CSMD1: variants seen among roughly 807,000 people sequenced by gnomAD.
CSMD1 encodes CUB and Sushi multiple domains 1.
In CSMD1, 213 loss-of-function variants were observed where a neutral mutation model predicts 417.5. The ratio of observed to expected loss-of-function variants is 0.51; its 90% CI spans 0.46 to 0.57. CSMD1 has a LOEUF of 0.57. CSMD1 is among the 20% of genes least tolerant of loss of function. The pLI is 0.00. For synonymous variants in CSMD1, 2,862 were observed against 1,736.8 expected (o/e 1.65, Z -16.11); for missense variants, 6,923 against 4,529.7 (o/e 1.53, Z -15.17).
chr8:4,261,741 C>A (rs990848235), intron 3 of CSMD1, among the ~76,000 whole-genome samples: 5 of 152,008 alleles, frequency 3.3e-5, no homozygotes, highest in Admixed American at 1.3e-4. Context: ...CCATCACACA[C>A]AGAAAAATGT....
rs73659287 is a variant in CSMD1 at position 4,921,495 on chromosome 8, G to A, written c.85+72837C>T. On this transcript the variant is annotated intron_variant, in intron 1 of 69. Coordinates refer to ENST00000635120, the MANE Select transcript of CSMD1 (RefSeq NM_033225.6). ...CCTGAAAACACAGTATTCTCTGTATGTAAGTTTGTGATGTTGGAATCACTA... is the reference window on the plus strand; with the variant it reads ...CCTGAAAACACAGTATTCTCTGTATATAAGTTTGTGATGTTGGAATCACTA... 4.6e-4 allele frequency among the ~76,000 whole-genome samples: 70 copies of A among 152,338 alleles called. 1 individual carries two copies. The highest frequency in any genetic ancestry group is 1.6e-3 in the African/African-American group (67 of 41,588).
Position 3,616,779 on chromosome 8 carries a change from G to C in CSMD1, c.1028C>G (p.Ala343Gly), listed in dbSNP as rs761167683. ...KNSVLSQGGV[A>G]LVSDMCPDPG... ...ATCTGGACACATGTCAGAGACCAAT[G>C]CAACACCTCCTTGGCTCACTGTAAT... The change falls in exon 8 of 70, where the codon GCA becomes GGA. Residue 343 changes from alanine (A) to glycine (G), a missense_variant. Transcript: ENST00000635120. The C allele has an allele frequency of 6.2e-7, 1 of 1,611,350 alleles. No homozygotes were observed. The highest frequency in any genetic ancestry group is 8.5e-7 in the Non-Finnish European group (1 of 1,178,582).
At chr8:2,972,991 G>C (rs753290219) in intron 57 of CSMD1, 126 bp downstream of exon 57, 8 of 908,062 alleles carry the variant, frequency 8.8e-6, no homozygotes, top group Non-Finnish European at 1.3e-5. Flanking sequence ...AAATATTGCG[G>C]GGAAAAGATT....
At chr8:4,126,264 C>G (rs975466606) in intron 3 of CSMD1, among the ~76,000 whole-genome samples, 2 of 152,172 alleles carry the variant, frequency 1.3e-5, no homozygotes, top group African/African-American at 2.4e-5. Flanking sequence ...ACGACCGGCT[C>G]TGCATGAATC....
intron 3 of CSMD1, among the ~76,000 whole-genome samples, chr8:4,075,513 G>A (rs1010129630): frequency 6.6e-6 from 1 of 152,144 alleles, no homozygotes; most frequent in African/African-American, 2.4e-5. Context: ...CGTGGGAATT[G>A]ATAACTAAAA....
At chr8:3,006,586 T>G (rs1404384119) in intron 52 of CSMD1, among the ~76,000 whole-genome samples, 13 of 150,834 alleles carry the variant, frequency 8.6e-5, no homozygotes, top group Admixed American at 7.2e-4. Context: ...TATAGATCAA[T>G]GGAACAGAAC....
chr8:3,747,507 C>G (rs1254080743), intron 6 of CSMD1, among the ~76,000 whole-genome samples: 1 of 149,314 alleles, frequency 6.7e-6, no homozygotes, highest in Non-Finnish European at 1.5e-5. Flanking sequence ...GTTTTTTTTC[C>G]TTTCATGAAA....
chr8:3,671,520 TATATGATCATATATATATATATATGATC>T (rs1799045743), intron 7 of CSMD1, among the ~76,000 whole-genome samples: 1 of 8,156 alleles, frequency 1.2e-4, no homozygotes, highest in Non-Finnish European at 2.2e-4. Flanking sequence ...TATGATCATA[TATATGATCATATATATATATATATGATC>T]ATATATATGA....
intron 5 of CSMD1, among the ~76,000 whole-genome samples, chr8:3,979,438 A>C (rs998680896): frequency 2.0e-5 from 3 of 152,194 alleles, no homozygotes; most frequent in Admixed American, 6.5e-5. Context: ...AGGCGTTGAT[A>C]AATGTGCATG....
intron 1 of CSMD1, among the ~76,000 whole-genome samples, chr8:4,727,975 ATG>A (rs386411935): frequency 8.6e-5 from 12 of 140,006 alleles, no homozygotes; most frequent in South Asian, 6.4e-4. Flanking sequence ...CAAAATATAT[ATG>A]TATATATATA....
chr8:4,962,942 G>A (rs1423227946), intron 1 of CSMD1, among the ~76,000 whole-genome samples: 1 of 152,246 alleles, frequency 6.6e-6, no homozygotes, highest in Non-Finnish European at 1.5e-5. Flanking sequence ...AGAGATGGGA[G>A]GAGAACATGG....
chr8:3,059,984 C>A (rs1164169916), intron 49 of CSMD1, among the ~76,000 whole-genome samples: 3 of 151,976 alleles, frequency 2.0e-5, no homozygotes, highest in Non-Finnish European at 4.4e-5. Flanking sequence ...GGTATTAGGT[C>A]TGGAACTGAG....
At chr8:4,784,139 T>C (rs1341090819) in intron 1 of CSMD1, among the ~76,000 whole-genome samples, 1 of 152,356 alleles carries the variant, frequency 6.6e-6, no homozygotes, top group East Asian at 1.9e-4. Flanking sequence ...ACAGAATAAG[T>C]CAGTTGCCTG....
intron 3 of CSMD1, among the ~76,000 whole-genome samples, chr8:4,271,707 C>A (rs551554120): frequency 6.6e-6 from 1 of 152,292 alleles, no homozygotes; most frequent in South Asian, 2.1e-4. Flanking sequence ...TTAATCCTAA[C>A]TCACTACTAA....
chr8:3,613,671 T>C lies in CSMD1; in HGVS notation c.1097+3039A>G, dbSNP rs367813289. Among the ~76,000 whole-genome samples, 30 of 149,994 alleles carry C rather than the reference T, an allele frequency of 2.0e-4. No homozygotes were observed. In the East Asian group the frequency reaches 5.7e-3, roughly 28 times the overall value. On this transcript the variant is annotated intron_variant, in intron 8 of 69. Transcript: ENST00000635120. ...GTCATGTCAATAGATGTAGAAACTT[T>C]TGAAAAAATTCCAAATTCATGTCAG...
At chr8:4,791,911 G>T (rs1010865517) in intron 1 of CSMD1, among the ~76,000 whole-genome samples, 1 of 151,326 alleles carries the variant, frequency 6.6e-6, no homozygotes, top group Non-Finnish European at 1.5e-5. Context: ...TATTCGAAAA[G>T]GTAGATTAAT....
chr8:4,841,502 G>C (rs2164908), intron 1 of CSMD1, among the ~76,000 whole-genome samples: 30,275 of 152,048 alleles, frequency 0.2, 3,259 homozygotes, highest in African/African-American at 0.28. Flanking sequence ...AAGTCACTAA[G>C]TTTTCTTAAG....
intron 36 of CSMD1, among the ~76,000 whole-genome samples, chr8:3,182,468 G>A (rs904172624): frequency 2.6e-5 from 4 of 152,036 alleles, no homozygotes; most frequent in Non-Finnish European, 4.4e-5. Flanking sequence ...GCTTGCCTCG[G>A]CCTCCCAAAG....
At chr8:3,646,430 A>G (rs943264638) in intron 7 of CSMD1, among the ~76,000 whole-genome samples, 2 of 152,218 alleles carry the variant, frequency 1.3e-5, no homozygotes, top group African/African-American at 4.8e-5. Flanking sequence ...ACTCAAAATT[A>G]AGAACCTTGT....
Sources: allele counts gnomAD v4.1 joint callset (sites outside exome capture counted in the v4.1 genomes callset), GRCh38; gene constraint gnomAD v4.1.1; transcripts MANE v1.5; gene names NCBI Gene and HGNC (gene_info 2026-07-23, HGNC 2026-07-21).